The following DOCK4 variants were observed in gnomAD, a reference collection of about 807,000 sequenced individuals.
DOCK4 encodes the protein dedicator of cytokinesis 4.
In DOCK4, 97 loss-of-function variants were observed where a neutral mutation model predicts 268.1. The ratio of observed to expected loss-of-function variants is 0.36; its 90% CI spans 0.31 to 0.43. The LOEUF (loss-of-function observed/expected upper bound fraction) is 0.43. Ranked by LOEUF, DOCK4 falls within the 20% of genes least tolerant of loss-of-function variation. The pLI is 1.00. For synonymous variants in DOCK4, 954 were observed against 887.2 expected (o/e 1.08, Z -1.34); for missense variants, 2,145 against 2,455.7 (o/e 0.87, Z 2.67).
chr7:112,134,227 C>T lies in DOCK4; in HGVS notation c.37+71875G>A, dbSNP rs1371718464. ...TGGAGCTTTCACTACAATAGCAACA[C>T]TCTTCCTCCCTGAGGCTCGGAAAGC... On this transcript the variant is annotated intron_variant, in intron 1 of 52. Coordinates refer to ENST00000428084, the MANE Select transcript of DOCK4 (RefSeq NM_001363540.2). 1.3e-5 allele frequency among the ~76,000 whole-genome samples: 2 copies of T among 152,138 alleles called. 1 individual carries two copies. Among genetic ancestry groups the T allele is most frequent in the Non-Finnish European group, 2.9e-5 (2 of 68,020 alleles).
At chr7:112,059,441 G>A (rs980751306) in intron 1 of DOCK4, among the ~76,000 whole-genome samples, 12 of 152,006 alleles carry the variant, frequency 7.9e-5, no homozygotes, top group African/African-American at 1.7e-4. Flanking sequence ...CACCCCACCC[G>A]CGTTTCCAAA....
intron 36 of DOCK4, among the ~76,000 whole-genome samples, chr7:111,772,474 T>C (rs962567829): frequency 1.3e-5 from 2 of 152,058 alleles, no homozygotes. Flanking sequence ...ATGGTTAAGA[T>C]GGTAAATTTT....
At chr7:111,947,237 T>C (rs748514048) in intron 8 of DOCK4, among the ~76,000 whole-genome samples, 6 of 152,184 alleles carry the variant, frequency 3.9e-5, no homozygotes, top group Non-Finnish European at 7.3e-5. Flanking sequence ...CAAATACATA[T>C]AAGAGGAGAT....
chr7:111,902,769 CT>C (rs200555795), intron 13 of DOCK4, among the ~76,000 whole-genome samples: 16 of 147,182 alleles, frequency 1.1e-4, no homozygotes, highest in East Asian at 2.0e-4. Context: ...TTTTTCTTTT[CT>C]TTTTTTTTTG....
At chr7:111,899,904 A>G (rs1790995417) in intron 15 of DOCK4, among the ~76,000 whole-genome samples, 1 of 152,252 alleles carries the variant, frequency 6.6e-6, no homozygotes, top group African/African-American at 2.4e-5. Flanking sequence ...AGCCTGGGCA[A>G]CAGAGTGAGG....
At chr7:112,038,504 T>G (rs1015130475) in intron 1 of DOCK4, among the ~76,000 whole-genome samples, 1 of 152,170 alleles carries the variant, frequency 6.6e-6, no homozygotes, top group African/African-American at 2.4e-5. Context: ...GCTACATAAT[T>G]GGATCAGGGC....
chr7:111,952,847 T>A (rs1387317932), intron 8 of DOCK4, among the ~76,000 whole-genome samples: 5 of 152,206 alleles, frequency 3.3e-5, no homozygotes, highest in African/African-American at 4.8e-5. Flanking sequence ...TCATTTTTTT[T>A]ATACTCAAAC....
At chr7:112,100,441 A>T (rs1345290725) in intron 1 of DOCK4, among the ~76,000 whole-genome samples, 2 of 152,214 alleles carry the variant, frequency 1.3e-5, no homozygotes, top group African/African-American at 4.8e-5. Flanking sequence ...GTGGACACAG[A>T]TGCTCCAGTT....
chr7:112,060,330 T>C (rs560101995), intron 1 of DOCK4, among the ~76,000 whole-genome samples: 1 of 152,174 alleles, frequency 6.6e-6, no homozygotes, highest in South Asian at 2.1e-4. Context: ...CAAATGTTGG[T>C]GAGGATATGG....
At chr7:112,078,069 T>C (rs1192738573) in intron 1 of DOCK4, among the ~76,000 whole-genome samples, 1 of 152,108 alleles carries the variant, frequency 6.6e-6, no homozygotes, top group African/African-American at 2.4e-5. Context: ...ATACAGAAAA[T>C]TGTTCTCTAC....
intron 42 of DOCK4, among the ~76,000 whole-genome samples, chr7:111,750,834 A>C (rs2133509318): frequency 6.6e-6 from 1 of 152,300 alleles, no homozygotes; most frequent in Admixed American, 6.5e-5. Context: ...AAATTTAATA[A>C]CTGCCATGGA....
chr7:111,854,330 G>T (rs201462232), intron 23 of DOCK4, among the ~76,000 whole-genome samples: 1 of 152,092 alleles, frequency 6.6e-6, no homozygotes, highest in Non-Finnish European at 1.5e-5. Context: ...TCCCTGTCCT[G>T]TTCTGTTCCA....
chr7:112,126,102 A>G (rs963355677), intron 1 of DOCK4, among the ~76,000 whole-genome samples: 1 of 152,220 alleles, frequency 6.6e-6, no homozygotes, highest in African/African-American at 2.4e-5. Context: ...TGCCTGGCCT[A>G]CACTATTCTT....
intron 12 of DOCK4, among the ~76,000 whole-genome samples, chr7:111,931,507 T>G (rs1257134179): frequency 6.6e-6 from 1 of 152,186 alleles, no homozygotes; most frequent in Non-Finnish European, 1.5e-5. Context: ...GGAAACAGAA[T>G]GTGCTTCCCT....
chr7:111,962,242 G>A (rs530359601), intron 8 of DOCK4, among the ~76,000 whole-genome samples: 3 of 152,016 alleles, frequency 2.0e-5, no homozygotes, highest in African/African-American at 4.8e-5. Flanking sequence ...TTTCTTTAAG[G>A]CTTCAAGAGC....
At chr7:111,932,983 T>C (rs1231973460) in intron 12 of DOCK4, among the ~76,000 whole-genome samples, 1 of 151,618 alleles carries the variant, frequency 6.6e-6, no homozygotes, top group African/African-American at 2.4e-5. Flanking sequence ...CTCTAACAAA[T>C]AGCAGCTCTA....
In DOCK4 at chr7:111,739,263, G is replaced by A. The variant is rs1563432715; in HGVS notation, c.5123-20C>T. On this transcript the variant is annotated intron_variant, in intron 48 of 52. Transcript: ENST00000428084. ...GAGAAGCTGGGAAGAGAAGGAGAGA[G>A]AGGATCATCAGCATGGTAGTGGTGC... The A allele has an allele frequency of 6.2e-7, 1 of 1,608,542 alleles. No homozygotes were observed. Among genetic ancestry groups the A allele is most frequent in the Non-Finnish European group, 8.5e-7 (1 of 1,174,868 alleles).
intron 1 of DOCK4, among the ~76,000 whole-genome samples, chr7:112,137,664 A>G (rs755434511): frequency 4.6e-5 from 7 of 152,198 alleles, no homozygotes; most frequent in Non-Finnish European, 7.4e-5. Context: ...AATATTTTAC[A>G]TAAGGTTGGC....
chr7:111,731,269 T>C lies in DOCK4; in HGVS notation c.5481+957A>G, dbSNP rs1200866846. ...CCATTTTGCGGGGGGAGGCGGGTTGTTTTCCCGTTTCTCAATTTCTATCAG... is the reference window on the plus strand; with the variant it reads ...CCATTTTGCGGGGGGAGGCGGGTTGCTTTCCCGTTTCTCAATTTCTATCAG... On this transcript the variant is annotated intron_variant, in intron 52 of 52. Transcript: ENST00000428084. 2.0e-5 allele frequency among the ~76,000 whole-genome samples: 3 copies of C among 152,172 alleles called. No homozygotes were observed. In the East Asian group the frequency reaches 5.8e-4, roughly 29 times the overall value.
Sources: gnomAD v4.1 joint callset for allele counts (sites outside exome capture counted in the v4.1 genomes callset) on GRCh38, gnomAD v4.1.1 for gene constraint, MANE v1.5 for transcripts, NCBI Gene and HGNC (gene_info 2026-07-23, HGNC 2026-07-21) for gene names.